The following BCKDHB variants were observed in gnomAD, a reference collection of about 807,000 sequenced individuals.
The protein encoded by BCKDHB is 2-oxoisovalerate dehydrogenase subunit beta, mitochondrial.
Under a neutral mutation model 48.5 loss-of-function variants are expected in BCKDHB, and 41 were observed. The ratio of observed to expected loss-of-function variants is 0.85; its 90% confidence interval spans 0.66 to 1.10. The LOEUF is 1.10. BCKDHB is among the 50% of genes least tolerant of loss of function. BCKDHB has a pLI of 0.00. For synonymous variants in BCKDHB, 201 were observed against 174.8 expected, an observed-to-expected ratio of 1.15 and a Z score of -1.18; for missense variants, 496 against 494.2, an observed-to-expected ratio of 1.00 and a Z score of -0.03.
chr6:80,250,268 TC>T (rs5877701), intron 8 of BCKDHB, among the ~76,000 whole-genome samples: 81,622 of 151,796 alleles, frequency 0.54, 22,328 homozygotes, highest in East Asian at 0.69. Flanking sequence ...AATCTTTACT[TC>T]TGGCATTTAC....
intron 3 of BCKDHB, among the ~76,000 whole-genome samples, chr6:80,144,452 T>C (rs997065118): frequency 6.6e-6 from 1 of 152,160 alleles, no homozygotes; most frequent in Non-Finnish European, 1.5e-5. Flanking sequence ...AAGTTTGATA[T>C]CTTGACATAC....
At chr6:80,220,822 C>A (rs1259183348) in intron 8 of BCKDHB, among the ~76,000 whole-genome samples, 7 of 150,578 alleles carry the variant, frequency 4.6e-5, no homozygotes, top group Non-Finnish European at 8.8e-5. Flanking sequence ...GCAATCTCCA[C>A]CTCTTGGGTT....
At chr6:80,351,324 A>G in the BCKDHB span, among the ~76,000 whole-genome samples, 2 of 152,252 alleles carry the variant, frequency 1.3e-5, no homozygotes, top group South Asian at 2.1e-4. Context: ...GTGTGTGTGT[A>G]TATATATAGA....
At chr6:80,350,700 GTA>G (rs1198282606), downstream of BCKDHB, among the ~76,000 whole-genome samples, 1 of 152,134 alleles carries the variant, frequency 6.6e-6, no homozygotes, top group Non-Finnish European at 1.5e-5. Flanking sequence ...GCTGTTGTAA[GTA>G]TTTTATTTAC....
the BCKDHB span, among the ~76,000 whole-genome samples, chr6:80,460,531 G>C: frequency 6.6e-6 from 1 of 152,068 alleles, no homozygotes; most frequent in Non-Finnish European, 1.5e-5. Flanking sequence ...CTTGATAAAG[G>C]AAGCAAAACA....
chr6:80,422,572 T>G, the BCKDHB span, among the ~76,000 whole-genome samples: 1 of 152,160 alleles, frequency 6.6e-6, no homozygotes. Flanking sequence ...TGAAAGCATC[T>G]GTGGGGTCTG....
chr6:80,401,527 T>C, the BCKDHB span, among the ~76,000 whole-genome samples: 1 of 151,974 alleles, frequency 6.6e-6, no homozygotes, highest in East Asian at 1.9e-4. Context: ...AGAAGGGTCC[T>C]GGTGGGGTGT....
In BCKDHB at chr6:80,343,916, G is replaced by T; in HGVS notation, c.*112G>T. The T allele has an allele frequency of 7.1e-7, 1 of 1,406,044 alleles. No homozygotes were observed. Among genetic ancestry groups the T allele is most frequent in the South Asian group, 1.2e-5 (1 of 84,658 alleles). 87.1% of individuals were successfully genotyped at this position (1,406,044 alleles called of 1,614,324 possible). On this transcript the variant is annotated 3_prime_UTR_variant, in exon 10 of 10. Transcript: ENST00000320393. The stretch of plus-strand genomic sequence containing the variant: ...GTTTTGATGGTAACAAACTTTGATG[G>T]TAAAGTTGGTAAAAGGCAACTTTCA...
At chr6:80,121,236 A>G (rs949232324) in intron 1 of BCKDHB, among the ~76,000 whole-genome samples, 1 of 152,228 alleles carries the variant, frequency 6.6e-6, no homozygotes, top group South Asian at 2.1e-4. Flanking sequence ...CTGTTTTGGT[A>G]CCAGTACCAT....
chr6:80,223,827 ACT>A (rs1775564926), intron 8 of BCKDHB, among the ~76,000 whole-genome samples: 1 of 151,940 alleles, frequency 6.6e-6, no homozygotes, highest in Admixed American at 6.6e-5. Flanking sequence ...GTGTGGTTAA[ACT>A]CTTCCAGGGG....
chr6:80,225,651 A>G (rs902874058), intron 8 of BCKDHB, among the ~76,000 whole-genome samples: 2 of 152,156 alleles, frequency 1.3e-5, no homozygotes, highest in Non-Finnish European at 2.9e-5. Context: ...TCCCTTGTCA[A>G]AAACTTTCAA....
chr6:80,400,638 A>G, the BCKDHB span, among the ~76,000 whole-genome samples: 1 of 152,100 alleles, frequency 6.6e-6, no homozygotes, highest in Admixed American at 6.6e-5. Flanking sequence ...AACTAGTTCA[A>G]CCATTGTGGA....
At chr6:80,107,490 C>CAT (rs1232612537) in intron 1 of BCKDHB, among the ~76,000 whole-genome samples, 28 of 122,310 alleles carry the variant, frequency 2.3e-4, no homozygotes, top group Non-Finnish European at 3.3e-4. Flanking sequence ...TATATACGCG[C>CAT]ATATATATGC....
At chr6:80,245,304 C>T (rs1274219808) in intron 8 of BCKDHB, among the ~76,000 whole-genome samples, 1 of 151,172 alleles carries the variant, frequency 6.6e-6, no homozygotes, top group Non-Finnish European at 1.5e-5. Context: ...TATGGGAACC[C>T]AGGAATTGAA....
chr6:80,347,236 C>T (rs1159428164), downstream of BCKDHB, among the ~76,000 whole-genome samples: 1 of 152,080 alleles, frequency 6.6e-6, no homozygotes, highest in Non-Finnish European at 1.5e-5. Flanking sequence ...AAACCCTGTC[C>T]TTGGATTAAA....
At chr6:80,423,224 C>G in the BCKDHB span, among the ~76,000 whole-genome samples, 1 of 152,136 alleles carries the variant, frequency 6.6e-6, no homozygotes, top group African/African-American at 2.4e-5. Flanking sequence ...AAGAAAGTGC[C>G]TTGCTTTCCC....
At chr6:80,142,080 T>C (rs765593834) in intron 3 of BCKDHB, among the ~76,000 whole-genome samples, 6 of 152,126 alleles carry the variant, frequency 3.9e-5, no homozygotes, top group Non-Finnish European at 7.4e-5. Context: ...AATTTTCATT[T>C]CTTATGTATT....
intron 1 of BCKDHB, among the ~76,000 whole-genome samples, chr6:80,126,344 CT>C (rs1325849164): frequency 6.6e-6 from 1 of 152,074 alleles, no homozygotes; most frequent in East Asian, 1.9e-4. Context: ...TCAGAACCTG[CT>C]GTGGAGCAAT....
chr6:80,213,208 C>T (rs1757495820), intron 8 of BCKDHB, among the ~76,000 whole-genome samples: 1 of 152,100 alleles, frequency 6.6e-6, no homozygotes, highest in Non-Finnish European at 1.5e-5. Context: ...TGAATAAATA[C>T]ATTAGTTTAT....
Sources: allele counts gnomAD v4.1 joint callset (sites outside exome capture counted in the v4.1 genomes callset), GRCh38; gene constraint gnomAD v4.1.1; transcripts MANE v1.5; gene names NCBI Gene and HGNC (gene_info 2026-07-23, HGNC 2026-07-21).